The following ABR variants were observed in gnomAD, a reference collection of about 807,000 sequenced individuals.
ABR encodes ABR activator of RhoGEF and GTPase, also known as active breakpoint cluster region-related protein.
ABR carries 35 observed loss-of-function variants against 107.2 expected under a neutral mutation model. The ratio of observed to expected loss-of-function variants is 0.33; its 90% CI spans 0.25 to 0.43. The LOEUF is 0.43. Ranked by LOEUF, ABR falls within the 20% of genes least tolerant of loss-of-function variation. The probability of loss-of-function intolerance (pLI) is 1.00; values close to 1 mark genes in which losing one functional copy is unlikely to be tolerated. For synonymous variants in ABR, 498 were observed against 462.0 expected (o/e 1.08, Z -1.00); for missense variants, 815 against 1,115.2 (o/e 0.73, Z 3.83).
chr17:1,167,232 C>A (rs995774140), intron 1 of ABR, among the ~76,000 whole-genome samples: 1 of 151,922 alleles, frequency 6.6e-6, no homozygotes, highest in African/African-American at 2.4e-5. Context: ...CTCCTAACAC[C>A]CAGCTCCACC....
At chr17:1,167,901 C>T (rs77448327) in intron 1 of ABR, among the ~76,000 whole-genome samples, 11,850 of 152,228 alleles carry the variant, frequency 0.078, 634 homozygotes, top group East Asian at 0.2. Context: ...GCCTGTAATC[C>T]CAGCACTTTG....
intron 1 of ABR, among the ~76,000 whole-genome samples, chr17:1,145,543 C>T (rs2040491530): frequency 6.6e-6 from 1 of 152,250 alleles, no homozygotes; most frequent in African/African-American, 2.4e-5. Flanking sequence ...CAACGGTGCT[C>T]ACCACCTGCC....
chr17:1,062,103 G>A (rs1317863009), intron 10 of ABR, among the ~76,000 whole-genome samples: 1 of 152,218 alleles, frequency 6.6e-6, no homozygotes, highest in Non-Finnish European at 1.5e-5. Flanking sequence ...CCTGAGAGGT[G>A]AGGAAAACAG....
chr17:1,043,657 T>C (rs901117150), intron 16 of ABR, among the ~76,000 whole-genome samples: 2 of 152,232 alleles, frequency 1.3e-5, no homozygotes, highest in African/African-American at 4.8e-5. Flanking sequence ...TGAGCTACTA[T>C]GCCTGGCTTC....
At chr17:1,041,926 G>T (rs762393924) in intron 16 of ABR, among the ~76,000 whole-genome samples, 7 of 152,122 alleles carry the variant, frequency 4.6e-5, no homozygotes, top group Non-Finnish European at 1.0e-4. Context: ...TGGCCGGGAG[G>T]GGGAGAGAAG....
chr17:1,133,102 G>A (rs997503970), intron 1 of ABR, among the ~76,000 whole-genome samples: 6 of 152,270 alleles, frequency 3.9e-5, no homozygotes, highest in East Asian at 1.9e-4. Context: ...TTAGCCAGGC[G>A]TGGTAGCACA....
chr17:1,079,131 G>A, intron 6 of ABR, 199 bp downstream of exon 6: 2 of 1,436,574 alleles, frequency 1.4e-6, no homozygotes, highest in Non-Finnish European at 1.8e-6. Flanking sequence ...CTGGCTGGCT[G>A]CCTGGGCACG....
upstream of ABR, among the ~76,000 whole-genome samples, chr17:1,189,390 C>T (rs1033378427): frequency 1.3e-5 from 2 of 150,256 alleles, no homozygotes; most frequent in Non-Finnish European, 2.9e-5. Flanking sequence ...GTTCTTGTCC[C>T]CCAGGCTGGA....
intron 1 of ABR, among the ~76,000 whole-genome samples, chr17:1,173,085 C>T (rs1220606247): frequency 9.2e-6 from 1 of 109,210 alleles, no homozygotes; most frequent in Non-Finnish European, 2.0e-5. Context: ...TCAGTCCACC[C>T]CCCCCATCAT....
rs2150882070 is a variant in ABR, at chr17:1,027,886, T to C, written c.1792-14722A>G. Among the ~76,000 whole-genome samples, 1 of 152,120 alleles carries C rather than the reference T, an allele frequency of 6.6e-6. No individual in the cohort carries two copies. Among genetic ancestry groups the C allele is most frequent in the Middle Eastern group, 3.4e-3 (1 of 294 alleles). On this transcript the variant is annotated intron_variant, in intron 16 of 22. Coordinates refer to ENST00000302538, the MANE Select transcript of ABR (RefSeq NM_021962.5). The surrounding 1 kb of genome is among the most constrained non-coding windows in gnomAD (Gnocchi z 4.7). ...CTTTCCTGACGCCCAGACTGGATTA[T>C]AAAATAAAGTAGACGAGCCCAAGAC...
chr17:1,006,556 T>C (rs2070053322), intron 22 of ABR, among the ~76,000 whole-genome samples: 1 of 152,166 alleles, frequency 6.6e-6, no homozygotes, highest in South Asian at 2.1e-4. Flanking sequence ...CTCCTGAGAA[T>C]GCAGCCAGCA....
intron 2 of ABR, among the ~76,000 whole-genome samples, chr17:1,102,175 C>G (rs986386816): frequency 1.3e-5 from 2 of 152,178 alleles, no homozygotes; most frequent in African/African-American, 4.8e-5. Context: ...ATCGCTCAGT[C>G]TCCCCCACAC....
chr17:1,200,417 G>A lies in ABR; in HGVS notation c.838+28376C>T, dbSNP rs1383569041. ...ATAAAGTCTATGGGAGACGTGATTA[G>A]GTTACATGTAACTATTACAGCACCT... is the stretch of plus-strand genomic sequence containing the variant. On this transcript the variant is annotated intron_variant, in intron 1 of 22. Transcript: ENST00000574139. The surrounding 1 kb of genome is among the most constrained non-coding windows in gnomAD (Gnocchi z 4.1). Among the ~76,000 whole-genome samples the A allele has an allele frequency of 6.6e-6, 1 of 152,026 alleles. No homozygotes were observed. The highest frequency in any genetic ancestry group is 1.5e-5 in the Non-Finnish European group (1 of 68,018).
chr17:1,067,322 A>G, intron 9 of ABR, 80 bp from the exon 10 acceptor site: 1 of 1,277,480 alleles, frequency 7.8e-7, no homozygotes, highest in Admixed American at 3.5e-5. Flanking sequence ...AGAACCACAG[A>G]ACCACTGACA....
In ABR at chr17:1,112,621, A is replaced by AAGAG. The variant is rs1555584864; in HGVS notation, c.247-11887_247-11886insCTCT. On this transcript the variant is annotated intron_variant, in intron 2 of 22. Coordinates refer to ENST00000302538, the MANE Select transcript of ABR (RefSeq NM_021962.5). ...TGAGGGAGGGAGGGAGGGAGGAAGG[A>AAGAG]AGGAAGGAAGAGAGGAAGGAAGGCA... is the stretch of plus-strand genomic sequence containing the variant. Among the ~76,000 whole-genome samples, 67 of 149,226 alleles carry AAGAG rather than the reference A, an allele frequency of 4.5e-4. No individual in the cohort carries two copies. The South Asian group carries it at 0.012, about 27-fold the overall frequency.
intron 4 of ABR, among the ~76,000 whole-genome samples, chr17:1,090,580 T>C (rs2036954527): frequency 6.6e-6 from 1 of 151,612 alleles, no homozygotes. Context: ...CTCGGTGAGG[T>C]AAAGACAGGA....
chr17:1,061,089 A>T (rs374956774), intron 10 of ABR, among the ~76,000 whole-genome samples: 1 of 152,074 alleles, frequency 6.6e-6, no homozygotes, highest in East Asian at 1.9e-4. Context: ...CATGTACCAC[A>T]CTCTGTGGTC....
chr17:1,079,606 C>T lies in ABR; in HGVS notation c.640-216G>A, dbSNP rs141671964. ...AAGTTCGAGACCAGCCTGGTCAACACGGTGAAACCCCATCTCTACTAAAAA... is the reference window on the plus strand; with the variant it reads ...AAGTTCGAGACCAGCCTGGTCAACATGGTGAAACCCCATCTCTACTAAAAA... On this transcript the variant is annotated intron_variant, in intron 5 of 22. Transcript: ENST00000302538. 3.0e-3 allele frequency among the ~76,000 whole-genome samples: 457 copies of T among 151,896 alleles called. 4 individuals carry two copies. Among genetic ancestry groups the T allele is most frequent in the African/African-American group, 0.01 (429 of 41,438 alleles).
chr17:1,086,332 CG>C (rs1178035259), intron 4 of ABR, among the ~76,000 whole-genome samples: 4 of 152,042 alleles, frequency 2.6e-5, no homozygotes, highest in African/African-American at 7.2e-5. Context: ...TGCTCACAAA[CG>C]GGGGAAGCCG....
Sources: gnomAD v4.1 joint callset for allele counts (sites outside exome capture counted in the v4.1 genomes callset) on GRCh38, gnomAD v4.1.1 for gene constraint, Gnocchi (gnomAD v3.1) non-coding constraint, MANE v1.5 for transcripts, NCBI Gene and HGNC (gene_info 2026-07-23, HGNC 2026-07-21) for gene names.